The following SMYD3 variants were observed in gnomAD, a reference collection of about 807,000 sequenced individuals.
The protein encoded by SMYD3 is SET and MYND domain containing 3.
Under a neutral mutation model 57.7 loss-of-function variants are expected in SMYD3, and 36 were observed. The ratio of observed to expected loss-of-function variants is 0.62; its 90% confidence interval spans 0.48 to 0.82. The LOEUF (loss-of-function observed/expected upper bound fraction) is 0.82. Among genes scored for constraint, SMYD3 ranks in the 40% least tolerant of loss-of-function variants. The pLI is 0.00. For missense variants in SMYD3, 515 were observed against 538.8 expected, an observed-to-expected ratio of 0.96 and a Z score of 0.44; for synonymous variants, 211 against 195.0, an observed-to-expected ratio of 1.08 and a Z score of -0.68.
chr1:246,092,198 A>AT (rs1344126824), intron 5 of SMYD3, among the ~76,000 whole-genome samples: 2 of 152,194 alleles, frequency 1.3e-5, no homozygotes, highest in African/African-American at 4.8e-5. Flanking sequence ...GCTGAGGGTC[A>AT]TTTTAAGTGC....
chr1:245,903,795 G>A (rs573884515), intron 8 of SMYD3, among the ~76,000 whole-genome samples: 1 of 152,298 alleles, frequency 6.6e-6, no homozygotes, highest in East Asian at 1.9e-4. Context: ...CCCACAGCTG[G>A]AGCAGGTGGG....
intron 5 of SMYD3, among the ~76,000 whole-genome samples, chr1:246,236,571 C>A (rs944825550): frequency 5.9e-5 from 9 of 152,106 alleles, no homozygotes; most frequent in Non-Finnish European, 8.8e-5. Flanking sequence ...CCTGCCACCA[C>A]GCCTGGTTAA....
At chr1:246,107,010 A>C (rs2061135741) in intron 5 of SMYD3, among the ~76,000 whole-genome samples, 1 of 152,172 alleles carries the variant, frequency 6.6e-6, no homozygotes, top group African/African-American at 2.4e-5. Context: ...CTTAAAAAGA[A>C]TTTTGAAGGC....
At position 245,863,714 on chromosome 1, in the gene SMYD3, C is replaced by T. The variant is rs545094040; in HGVS notation, c.901+85G>A. 2.8e-5 allele frequency: 36 copies of T among 1,268,808 alleles called. No homozygotes were observed. The South Asian group carries it at 4.0e-4, about 14-fold the overall frequency. The allele number at this position is 1,268,808 out of a possible 1,614,324, so 78.6% of individuals were successfully genotyped here. A position where few individuals can be genotyped will look rare whatever the true frequency, so the allele number is the denominator to read the frequency against. ...ACTGGCTCATGGAGAGGTCAAACCC[C>T]GCCTCTGACCTCATTACGACAGGGC... On this transcript the variant is annotated intron_variant, in intron 9 of 11. Coordinates refer to ENST00000490107, the MANE Select transcript of SMYD3 (RefSeq NM_001167740.2).
At chr1:245,757,294 A>C (rs905632484) in intron 11 of SMYD3, among the ~76,000 whole-genome samples, 1 of 152,080 alleles carries the variant, frequency 6.6e-6, no homozygotes, top group African/African-American at 2.4e-5. Flanking sequence ...AGGTTCATTT[A>C]TGTGTAGCAT....
At chr1:246,190,839 G>A (rs919872428) in intron 5 of SMYD3, among the ~76,000 whole-genome samples, 1 of 151,928 alleles carries the variant, frequency 6.6e-6, no homozygotes, top group African/African-American at 2.4e-5. Flanking sequence ...TATTTCAGGG[G>A]CCCCAACATC....
intron 1 of SMYD3, among the ~76,000 whole-genome samples, chr1:246,396,567 C>G (rs2066676583): frequency 6.6e-6 from 1 of 152,040 alleles, no homozygotes; most frequent in Admixed American, 6.6e-5. Flanking sequence ...TTAAGATAAC[C>G]AGTGCTTTCA....
At chr1:246,275,316 C>A (rs1414081117) in intron 5 of SMYD3, among the ~76,000 whole-genome samples, 1 of 152,198 alleles carries the variant, frequency 6.6e-6, no homozygotes, top group African/African-American at 2.4e-5. Flanking sequence ...CTGCTCCTGG[C>A]CAACAACAAA....
At chr1:245,955,883 T>C (rs1366046377) in intron 5 of SMYD3, 1 of 956,676 alleles carries the variant, frequency 1.0e-6, no homozygotes, top group African/African-American at 1.8e-5. Flanking sequence ...TGGGTTTTTT[T>C]TTTTTTTGGC....
chr1:245,909,868 G>A (rs1428396242), intron 8 of SMYD3, among the ~76,000 whole-genome samples: 1 of 151,988 alleles, frequency 6.6e-6, no homozygotes, highest in Non-Finnish European at 1.5e-5. Context: ...CACTTAATTG[G>A]GAAAAACTGA....
intron 11 of SMYD3, among the ~76,000 whole-genome samples, chr1:245,758,410 C>A (rs529598854): frequency 6.6e-6 from 1 of 152,000 alleles, no homozygotes; most frequent in Non-Finnish European, 1.5e-5. Flanking sequence ...ACTTTTTCCA[C>A]CTCACCCTCT....
intron 1 of SMYD3, among the ~76,000 whole-genome samples, chr1:246,470,541 T>C (rs867260604): frequency 4.7e-5 from 7 of 148,490 alleles, no homozygotes; most frequent in African/African-American, 1.5e-4. Context: ...ATATAATATA[T>C]ACACATACAT....
intron 5 of SMYD3, among the ~76,000 whole-genome samples, chr1:246,122,553 C>T (rs994812567): frequency 6.6e-6 from 1 of 152,184 alleles, no homozygotes; most frequent in Non-Finnish European, 1.5e-5. Context: ...AAAAATGATT[C>T]ACTAAATATT....
chr1:246,286,809 T>A (rs1307362611), intron 5 of SMYD3, among the ~76,000 whole-genome samples: 2 of 152,098 alleles, frequency 1.3e-5, no homozygotes, highest in African/African-American at 4.8e-5. Flanking sequence ...TTGACCATCA[T>A]TATAAAACTG....
chr1:245,817,150 T>A (rs938580480), intron 10 of SMYD3, among the ~76,000 whole-genome samples: 77 of 150,722 alleles, frequency 5.1e-4, no homozygotes, highest in Non-Finnish European at 9.2e-4. Context: ...TGTCCCTGTC[T>A]GACAGCTTTG....
At chr1:245,885,768 T>C (rs4233246) in intron 8 of SMYD3, among the ~76,000 whole-genome samples, 2 of 152,202 alleles carry the variant, frequency 1.3e-5, no homozygotes, top group Non-Finnish European at 1.5e-5. Flanking sequence ...AAAAGACAAT[T>C]ACATAAAATT....
intron 5 of SMYD3, among the ~76,000 whole-genome samples, chr1:246,274,507 G>A (rs923399075): frequency 3.3e-5 from 5 of 152,140 alleles, no homozygotes; most frequent in South Asian, 2.1e-4. Flanking sequence ...CCAAGTGCAC[G>A]TATTTGTTTT....
chr1:245,843,822 G>T (rs1004117949), intron 10 of SMYD3, among the ~76,000 whole-genome samples: 1 of 152,168 alleles, frequency 6.6e-6, no homozygotes, highest in Non-Finnish European at 1.5e-5. Flanking sequence ...ATTTGTGGCT[G>T]AGACTAAAGA....
chr1:246,036,570 T>C (rs1353967320), intron 5 of SMYD3, among the ~76,000 whole-genome samples: 1 of 151,798 alleles, frequency 6.6e-6, no homozygotes, highest in East Asian at 1.9e-4. Flanking sequence ...TTTTGTTTTT[T>C]TGAGACGGAG....
Sources: gnomAD v4.1 joint callset for allele counts (sites outside exome capture counted in the v4.1 genomes callset) on GRCh38, gnomAD v4.1.1 for gene constraint, MANE v1.5 for transcripts, NCBI Gene and HGNC (gene_info 2026-07-23, HGNC 2026-07-21) for gene names.